DPY19L1: variants seen among roughly 807,000 people sequenced by gnomAD.
DPY19L1 encodes protein C-mannosyl-transferase DPY19L1.
A neutral mutation model predicts 96.9 loss-of-function variants in DPY19L1; 35 were observed. The observed-to-expected ratio is 0.36, with a 90% CI of 0.28 to 0.48. DPY19L1 has a LOEUF of 0.48. DPY19L1 is among the 20% of genes least tolerant of loss of function. The pLI is 0.99. For synonymous variants in DPY19L1, 205 were observed against 252.6 expected (o/e 0.81, Z 1.79); for missense variants, 521 against 777.9 (o/e 0.67, Z 3.93).
intron 1 of DPY19L1, among the ~76,000 whole-genome samples, chr7:35,018,945 G>T (rs1413642236): frequency 2.6e-5 from 4 of 152,100 alleles, no homozygotes; most frequent in South Asian, 2.1e-4. Context: ...GTGGCTGAGG[G>T]GTACAGGATT....
At chr7:34,988,800 G>A (rs1353195149) in intron 7 of DPY19L1, among the ~76,000 whole-genome samples, 1 of 152,120 alleles carries the variant, frequency 6.6e-6, no homozygotes, top group East Asian at 1.9e-4. Flanking sequence ...TTACAACTAT[G>A]ATTAATCTAG....
chr7:35,003,024 C>T lies in DPY19L1; in HGVS notation c.764+7444G>A, dbSNP rs1785465781. Among the ~76,000 whole-genome samples, 3 of 152,180 alleles carry T rather than the reference C, an allele frequency of 2.0e-5. No individual in the cohort carries two copies. In the South Asian group the frequency reaches 6.2e-4, roughly 31 times the overall value. The stretch of plus-strand genomic sequence containing the variant: ...TGACCTTGTGATCCACCCACCTCGG[C>T]CTCCCAAAATGCTGGGATTACAGGC... On this transcript the variant is annotated intron_variant, in intron 6 of 21. Transcript: ENST00000638088.
chr7:34,954,240 T>C (rs942445040), intron 13 of DPY19L1, among the ~76,000 whole-genome samples: 1 of 152,086 alleles, frequency 6.6e-6, no homozygotes, highest in Non-Finnish European at 1.5e-5. Context: ...AACAAAAATC[T>C]TCTCTAAATA....
At chr7:35,035,323 T>C (rs1180503457) in intron 1 of DPY19L1, among the ~76,000 whole-genome samples, 1 of 152,208 alleles carries the variant, frequency 6.6e-6, no homozygotes, top group Non-Finnish European at 1.5e-5. Flanking sequence ...GTTACATTAA[T>C]ACAAAACTGT....
intron 1 of DPY19L1, among the ~76,000 whole-genome samples, chr7:35,034,194 T>C (rs559751888): frequency 1.3e-5 from 2 of 152,336 alleles, no homozygotes; most frequent in South Asian, 4.1e-4. Context: ...TAGTATCTCA[T>C]GTTAGTCTTT....
At chr7:34,982,964 G>A (rs796113755) in intron 7 of DPY19L1, among the ~76,000 whole-genome samples, 21 of 152,318 alleles carry the variant, frequency 1.4e-4, no homozygotes, top group African/African-American at 4.8e-4. Context: ...AGAATGGTAA[G>A]ATCAAAGGAA....
In DPY19L1 at chr7:34,951,606, G is replaced by A. The variant is rs1418812869; in HGVS notation, c.1321-1708C>T. The stretch of plus-strand genomic sequence containing the variant: ...AAGCATTGATCAGAAAATAAGAGAG[G>A]TAAAAACAACAGAGCTAAGTATTTC... On this transcript the variant is annotated intron_variant, in intron 13 of 21. Transcript: ENST00000638088. Among the ~76,000 whole-genome samples the A allele has an allele frequency of 2.0e-5, 3 of 151,724 alleles. No homozygotes were observed. The East Asian group carries it at 5.8e-4, about 29-fold the overall frequency.
chr7:34,940,420 T>TA lies in DPY19L1; in HGVS notation c.1690-94_1690-93insT, dbSNP rs1404170553. The TA allele has an allele frequency of 1.7e-4, 167 of 990,266 alleles. No individual in the cohort carries two copies. In the African/African-American group the frequency reaches 2.5e-3, roughly 15 times the overall value. The allele number at this position is 990,266 out of a possible 1,614,324, so 61.3% of individuals were successfully genotyped here. A position where few individuals can be genotyped will look rare whatever the true frequency, so the allele number is the denominator to read the frequency against. The stretch of plus-strand genomic sequence containing the variant: ...TCTTCCCAGAGAAGAATAAGGCCTC[T>TA]GCTAGAGTCCCAAATAAAGGATTAA... On this transcript the variant is annotated intron_variant, in intron 18 of 21. Coordinates refer to ENST00000638088, the MANE Select transcript of DPY19L1 (RefSeq NM_001366673.1).
upstream of DPY19L1, chr7:35,037,854 G>T: frequency 8.1e-7 from 1 of 1,234,794 alleles, no homozygotes; most frequent in Non-Finnish European, 1.0e-6. Context: ...CCGGTGCGAG[G>T]ACGCGGGGGC....
At chr7:34,968,202 T>C (rs1191260025) in intron 9 of DPY19L1, among the ~76,000 whole-genome samples, 35 of 151,938 alleles carry the variant, frequency 2.3e-4, no homozygotes, top group Admixed American at 2.2e-3. Context: ...AAAAAGTAAG[T>C]ACAAATAGAG....
chr7:34,944,619 T>A (rs1784102712), intron 16 of DPY19L1, among the ~76,000 whole-genome samples: 1 of 152,130 alleles, frequency 6.6e-6, no homozygotes, highest in Non-Finnish European at 1.5e-5. Flanking sequence ...CTGGCAATTT[T>A]AAAAATTCAA....
chr7:35,006,824 G>A (rs1443337436), intron 6 of DPY19L1, among the ~76,000 whole-genome samples: 4 of 151,966 alleles, frequency 2.6e-5, no homozygotes, highest in Non-Finnish European at 5.9e-5. Context: ...TGGCTTACCT[G>A]GCTTCTAAAA....
At chr7:35,037,785 G>A, upstream of DPY19L1, 1 of 1,195,434 alleles carries the variant, frequency 8.4e-7, no homozygotes, top group African/African-American at 1.6e-5. Context: ...GCGCAGGCGG[G>A]GCCCGACCCC....
rs531304357 is a variant in DPY19L1 at position 34,964,548 on chromosome 7, A to G, written c.1092+2346T>C. On this transcript the variant is annotated intron_variant, in intron 10 of 21. Coordinates refer to ENST00000638088, the MANE Select transcript of DPY19L1 (RefSeq NM_001366673.1). Reference sequence around the variant, plus strand: ...GACATGCAAAAATTGTGTTTAGCCCAGAAAAGCAAGTTTATTTAATGCTAG... The same window carrying G: ...GACATGCAAAAATTGTGTTTAGCCCGGAAAAGCAAGTTTATTTAATGCTAG... Among the ~76,000 whole-genome samples the G allele has an allele frequency of 3.0e-3, 457 of 152,338 alleles. 1 individual carries two copies. The highest frequency in any genetic ancestry group is 5.2e-3 in the Non-Finnish European group (352 of 68,002).
chr7:35,027,668 TAAAAAA>T (rs57262214), intron 1 of DPY19L1, among the ~76,000 whole-genome samples: 2 of 71,410 alleles, frequency 2.8e-5, no homozygotes, highest in Non-Finnish European at 6.0e-5. Flanking sequence ...CCGTCTCTAC[TAAAAAA>T]AAAAAAAAAA....
intron 9 of DPY19L1, among the ~76,000 whole-genome samples, chr7:34,968,040 T>A (rs1784647767): frequency 6.6e-6 from 1 of 151,992 alleles, no homozygotes; most frequent in Non-Finnish European, 1.5e-5. Context: ...ATGAGAATGC[T>A]CCCTTTTCAC....
Position 34,932,357 on chromosome 7 carries a change from C to T in DPY19L1, c.2091-628G>A, listed in dbSNP as rs1365406396. Among the ~76,000 whole-genome samples, 6 of 152,264 alleles carry T rather than the reference C, an allele frequency of 3.9e-5. No individual in the cohort carries two copies. The East Asian group carries it at 1.2e-3, about 29-fold the overall frequency. On this transcript the variant is annotated intron_variant, in intron 21 of 21. Transcript: ENST00000638088. ...GCCTACCTTAAACATGCTAGGAACA[C>T]TTATATTAGCTTACAGTTGGACAAA...
rs1395960475 is a variant in DPY19L1 at position 34,931,112 on chromosome 7, CA to C, written c.*460del. ...CATCTACTGTAACTCAAGTTGATGA[CA>C]GGGGCTGACATGACCGAAGAACTTA... is the stretch of plus-strand genomic sequence containing the variant. On this transcript the variant is annotated 3_prime_UTR_variant, in exon 22 of 22. Transcript: ENST00000638088. The C allele has an allele frequency of 6.6e-6, 1 of 152,556 alleles. No homozygotes were observed. The highest frequency in any genetic ancestry group is 6.5e-5 in the Admixed American group (1 of 15,326). 9.5% of individuals were successfully genotyped at this position (152,556 alleles called of 1,614,324 possible). A position where few individuals can be genotyped will look rare whatever the true frequency, so the allele number is the denominator to read the frequency against.
rs1160307480 is a variant in DPY19L1, at chr7:35,010,545, A to C, written c.687T>G (p.Ala229=). ...TAAAAATTACAGCAACATAAAAGCA[A>C]GCAGGATCTCCCAATCCTTTAAAAA... The part of the protein sequence containing the change: ...IESCEGLGDP[A]CFYVAVIFIL... Residue 229 remains alanine, a synonymous_variant, in exon 6 of 22, where the codon GCT becomes GCG. Coordinates refer to ENST00000638088, the MANE Select transcript of DPY19L1 (RefSeq NM_001366673.1). 1 of 1,609,520 alleles carries C rather than the reference A, an allele frequency of 6.2e-7. No homozygotes were observed. The highest frequency in any genetic ancestry group is 1.7e-5 in the Admixed American group (1 of 59,470).
Sources: gnomAD v4.1 joint callset for allele counts (sites outside exome capture counted in the v4.1 genomes callset) on GRCh38, gnomAD v4.1.1 for gene constraint, MANE v1.5 for transcripts, NCBI Gene and HGNC (gene_info 2026-07-23, HGNC 2026-07-21) for gene names.